Variants in RBFOX1 observed in about 807,000 individuals in gnomAD.
The protein encoded by RBFOX1 is RNA binding fox-1 homolog 1, also known as RNA binding protein fox-1 homolog 1.
A neutral mutation model predicts 57.7 loss-of-function variants in RBFOX1; 8 were observed. That is an observed-to-expected ratio of 0.14 (90% CI 0.08 to 0.25). The LOEUF is 0.25. Ranked by LOEUF, RBFOX1 falls within the 10% of genes least tolerant of loss-of-function variation. RBFOX1 has a pLI of 1.00. For synonymous variants in RBFOX1, 326 were observed against 222.4 expected, an observed-to-expected ratio of 1.47 and a Z score of -4.15; for missense variants, 611 against 548.5, an observed-to-expected ratio of 1.11 and a Z score of -1.14.
intron 4 of RBFOX1, among the ~76,000 whole-genome samples, chr16:7,415,096 C>T (rs1319037026): frequency 2.0e-5 from 3 of 152,340 alleles, no homozygotes; most frequent in South Asian, 2.1e-4. Flanking sequence ...AAGTCATTAG[C>T]AGTACCAACT....
chr16:5,521,604 G>T (rs1216699231), intron 2 of RBFOX1, among the ~76,000 whole-genome samples: 2 of 152,098 alleles, frequency 1.3e-5, no homozygotes, highest in African/African-American at 4.8e-5. Context: ...GGGGACAGGT[G>T]GACACCAGAA....
chr16:6,726,657 G>A (rs1014682974), intron 3 of RBFOX1, among the ~76,000 whole-genome samples: 2 of 152,124 alleles, frequency 1.3e-5, no homozygotes, highest in African/African-American at 4.8e-5. Context: ...CATGCCCAGA[G>A]AACTAGCTTG....
At chr16:6,430,960 A>C (rs931450668) in intron 2 of RBFOX1, among the ~76,000 whole-genome samples, 1 of 135,210 alleles carries the variant, frequency 7.4e-6, no homozygotes, top group African/African-American at 2.8e-5. Context: ...GTGAGTCCTC[A>C]TCTCCAGAAA....
rs188273922 is a variant in RBFOX1, at chr16:5,543,173, G to A, written c.259-55729G>A. On this transcript the variant is annotated intron_variant, in intron 2 of 2. Transcript: ENST00000585867. ...GAACAAAGGTCAAGGATATTTATTA[G>A]AATGCCATAATATCAAGCCCAAAGA... Among the ~76,000 whole-genome samples the A allele has an allele frequency of 2.0e-5, 3 of 152,264 alleles. No homozygotes were observed. In the East Asian group the frequency reaches 5.8e-4, roughly 29 times the overall value.
intron 1 of RBFOX1, among the ~76,000 whole-genome samples, chr16:6,081,339 G>A (rs979601935): frequency 6.6e-6 from 1 of 152,190 alleles, no homozygotes; most frequent in African/African-American, 2.4e-5. Context: ...GTGCTGAAAT[G>A]ATTAGTATAA....
At chr16:5,812,226 C>A in intron 3 of RBFOX1, among the ~76,000 whole-genome samples, 1 of 152,218 alleles carries the variant, frequency 6.6e-6, no homozygotes, top group South Asian at 2.1e-4. Context: ...AGGGTTTGGT[C>A]GTTACAAATA....
intron 4 of RBFOX1, among the ~76,000 whole-genome samples, chr16:7,085,177 C>T (rs1410528632): frequency 6.6e-6 from 1 of 151,992 alleles, no homozygotes; most frequent in Non-Finnish European, 1.5e-5. Context: ...CCTCCAAGGG[C>T]CAGGCCTATA....
At chr16:6,948,755 C>T (rs958753178) in intron 3 of RBFOX1, among the ~76,000 whole-genome samples, 27 of 152,096 alleles carry the variant, frequency 1.8e-4, no homozygotes, top group African/African-American at 6.3e-4. Context: ...CTCCATTCAA[C>T]AAAAAATGCC....
intron 4 of RBFOX1, among the ~76,000 whole-genome samples, chr16:7,081,033 G>A (rs2059116751): frequency 6.6e-6 from 1 of 152,130 alleles, no homozygotes; most frequent in Admixed American, 6.6e-5. Context: ...TAGCCACACT[G>A]GCTTTATTTT....
At chr16:5,587,222 C>A (rs1298433433) in intron 2 of RBFOX1, among the ~76,000 whole-genome samples, 1 of 152,138 alleles carries the variant, frequency 6.6e-6, no homozygotes, top group Non-Finnish European at 1.5e-5. Context: ...ATCTAGAATA[C>A]ATAAAATTCA....
rs1019758681 is a variant in RBFOX1 at position 7,322,052 on chromosome 16, T to A, written c.28-196095T>A. Reference sequence around the variant, plus strand: ...TGAAAACACAGTTTTATCTGCTACCTCCTTTTCTCCTCCAGTGCTGTATTT... The same window carrying A: ...TGAAAACACAGTTTTATCTGCTACCACCTTTTCTCCTCCAGTGCTGTATTT... On this transcript the variant is annotated intron_variant, in intron 4 of 15. Transcript: ENST00000550418. 3.3e-5 allele frequency among the ~76,000 whole-genome samples: 5 copies of A among 152,250 alleles called. No homozygotes were observed. The South Asian group carries it at 8.3e-4, about 25-fold the overall frequency.
At chr16:7,657,598 C>T (rs1161941873) in intron 12 of RBFOX1, among the ~76,000 whole-genome samples, 1 of 152,232 alleles carries the variant, frequency 6.6e-6, no homozygotes, top group Non-Finnish European at 1.5e-5. Flanking sequence ...GGCCACTGCG[C>T]ACAGACATTC....
chr16:7,149,092 G>A (rs2075616941), intron 4 of RBFOX1, among the ~76,000 whole-genome samples: 1 of 152,138 alleles, frequency 6.6e-6, no homozygotes, highest in Non-Finnish European at 1.5e-5. Context: ...CTCACAGTGG[G>A]AGACAGTCTT....
At chr16:5,506,373 C>T (rs373013463) in intron 2 of RBFOX1, among the ~76,000 whole-genome samples, 3 of 152,184 alleles carry the variant, frequency 2.0e-5, no homozygotes, top group Admixed American at 6.5e-5. Flanking sequence ...CCTCTCTGTC[C>T]TTCTCTGACT....
intron 2 of RBFOX1, among the ~76,000 whole-genome samples, chr16:6,366,035 C>A (rs866842906): frequency 6.6e-6 from 1 of 151,390 alleles, no homozygotes; most frequent in South Asian, 2.1e-4. Flanking sequence ...ACTTCTTTGG[C>A]TCCTTGCCTG....
At chr16:7,458,701 C>T (rs78709130) in intron 4 of RBFOX1, among the ~76,000 whole-genome samples, 2 of 151,900 alleles carry the variant, frequency 1.3e-5, no homozygotes, top group Admixed American at 1.3e-4. Context: ...TTACCTAGTT[C>T]ACTCCCTCTC....
intron 5 of RBFOX1, among the ~76,000 whole-genome samples, chr16:7,547,990 C>A (rs1168511153): frequency 6.6e-6 from 1 of 152,218 alleles, no homozygotes; most frequent in East Asian, 1.9e-4. Context: ...TCAGCATTTG[C>A]CCGTGTGTAG....
At chr16:7,043,579 C>T (rs187170398) in intron 3 of RBFOX1, among the ~76,000 whole-genome samples, 17 of 152,296 alleles carry the variant, frequency 1.1e-4, no homozygotes, top group Admixed American at 9.2e-4. Flanking sequence ...ATAAAGCTAC[C>T]AATTGATTTG....
At chr16:5,391,503 A>C (rs1190404398) in intron 1 of RBFOX1, among the ~76,000 whole-genome samples, 1 of 151,998 alleles carries the variant, frequency 6.6e-6, no homozygotes, top group Non-Finnish European at 1.5e-5. Context: ...ATAACCGAGG[A>C]GAATCTCCCC....
Sources: gnomAD v4.1 joint callset for allele counts (sites outside exome capture counted in the v4.1 genomes callset) on GRCh38, gnomAD v4.1.1 for gene constraint, MANE v1.5 for transcripts, NCBI Gene and HGNC (gene_info 2026-07-23, HGNC 2026-07-21) for gene names.